PPARGC1A: variants seen among roughly 807,000 people sequenced by gnomAD.
PPARGC1A encodes PPARG coactivator 1 alpha.
A neutral mutation model predicts 88.7 loss-of-function variants in PPARGC1A; 25 were observed. The observed-to-expected ratio is 0.28, with a 90% CI of 0.21 to 0.39. The LOEUF is 0.39. PPARGC1A is among the 10% of genes least tolerant of loss of function. PPARGC1A has a pLI of 1.00. For synonymous variants in PPARGC1A, 363 were observed against 355.6 expected, an observed-to-expected ratio of 1.02 and a Z score of -0.24; for missense variants, 880 against 968.7, an observed-to-expected ratio of 0.91 and a Z score of 1.22.
chr4:24,252,976 T>C, the PPARGC1A span, among the ~76,000 whole-genome samples: 314 of 152,318 alleles, frequency 2.1e-3, 3 homozygotes, highest in African/African-American at 7.3e-3. Context: ...ACAGTGAATA[T>C]TCCTAACTTG....
chr4:23,814,114 C>G lies in PPARGC1A; in HGVS notation c.1369G>C (p.Glu457Gln). ...CSTRKQLQDQ[E>Q]IRAELNKHFG... ...TGCTTGTTCAGCTCGGCTCGGATTT[C>G]CTGGTCTTGGAGCTGTTTTCTTGTG... Residue 457 changes from glutamate to glutamine, a missense_variant, in exon 8 of 13, where the codon GAA becomes CAA. Physicochemically the swap from Glu to Gln is conservative, Grantham distance 29 (BLOSUM62 2). Coordinates refer to ENST00000264867, the MANE Select transcript of PPARGC1A (RefSeq NM_013261.5). The G allele has an allele frequency of 6.2e-7, 1 of 1,614,056 alleles. No homozygotes were observed. The highest frequency in any genetic ancestry group is 1.7e-4 in the Middle Eastern group (1 of 6,056).
the PPARGC1A span, among the ~76,000 whole-genome samples, chr4:23,946,951 A>G: frequency 2.0e-5 from 3 of 152,044 alleles, no homozygotes. Flanking sequence ...AACTGAACCC[A>G]CAGAGCCCAA....
the PPARGC1A span, among the ~76,000 whole-genome samples, chr4:24,085,079 C>G: frequency 2.0e-5 from 3 of 152,110 alleles, no homozygotes; most frequent in African/African-American, 4.8e-5. Context: ...AAATATGAAC[C>G]ACTATTTCAT....
the PPARGC1A span, among the ~76,000 whole-genome samples, chr4:24,423,902 C>T: frequency 6.6e-6 from 1 of 152,244 alleles, no homozygotes; most frequent in South Asian, 2.1e-4. Context: ...TACAAAATGG[C>T]GGCCATGATG....
At chr4:24,381,580 C>T in the PPARGC1A span, among the ~76,000 whole-genome samples, 1 of 152,208 alleles carries the variant, frequency 6.6e-6, no homozygotes, top group Non-Finnish European at 1.5e-5. Context: ...CTAGCTAAAA[C>T]TCATGTTCAC....
chr4:24,081,690 T>C, the PPARGC1A span, among the ~76,000 whole-genome samples: 1 of 152,146 alleles, frequency 6.6e-6, no homozygotes, highest in Non-Finnish European at 1.5e-5. Context: ...CACACTCTTT[T>C]ATAGGAAGGG....
At chr4:24,041,007 A>G in the PPARGC1A span, among the ~76,000 whole-genome samples, 1 of 152,334 alleles carries the variant, frequency 6.6e-6, no homozygotes, top group East Asian at 1.9e-4. Flanking sequence ...TCAAGTTATT[A>G]TAGGAGAACT....
chr4:24,278,839 C>T, the PPARGC1A span, among the ~76,000 whole-genome samples: 1 of 152,138 alleles, frequency 6.6e-6, no homozygotes, highest in African/African-American at 2.4e-5. Flanking sequence ...ACACAGTAGT[C>T]AAACCACACA....
At chr4:24,259,636 G>A in the PPARGC1A span, among the ~76,000 whole-genome samples, 1 of 152,136 alleles carries the variant, frequency 6.6e-6, no homozygotes, top group African/African-American at 2.4e-5. Context: ...CTAGCCTACA[G>A]GTTTGTAACC....
the PPARGC1A span, among the ~76,000 whole-genome samples, chr4:24,349,843 T>C: frequency 6.6e-6 from 1 of 152,238 alleles, no homozygotes; most frequent in East Asian, 1.9e-4. Context: ...TTCAAATTGT[T>C]ACAAAGTTCA....
At chr4:24,248,530 GCTC>G in the PPARGC1A span, among the ~76,000 whole-genome samples, 2 of 152,004 alleles carry the variant, frequency 1.3e-5, no homozygotes, top group Non-Finnish European at 2.9e-5. Flanking sequence ...TGCAAATTCA[GCTC>G]CTTTTAGTCT....
At chr4:24,371,263 G>A in the PPARGC1A span, among the ~76,000 whole-genome samples, 1 of 152,118 alleles carries the variant, frequency 6.6e-6, no homozygotes, top group Non-Finnish European at 1.5e-5. Flanking sequence ...TGTCTTTATA[G>A]TAGAATGATT....
chr4:24,377,037 G>A, the PPARGC1A span, among the ~76,000 whole-genome samples: 2 of 151,938 alleles, frequency 1.3e-5, no homozygotes, highest in African/African-American at 4.8e-5. Context: ...TCATGGACTG[G>A]AGAATTATTA....
intron 2 of PPARGC1A, among the ~76,000 whole-genome samples, chr4:23,872,229 A>T (rs1713535265): frequency 6.6e-6 from 1 of 152,068 alleles, no homozygotes. Flanking sequence ...AGGGCACAGC[A>T]CTCTGGTCAG....
At chr4:24,350,852 G>A in the PPARGC1A span, among the ~76,000 whole-genome samples, 1 of 152,152 alleles carries the variant, frequency 6.6e-6, no homozygotes, top group African/African-American at 2.4e-5. Context: ...CTCCATGGCT[G>A]GGCATCATGG....
the PPARGC1A span, among the ~76,000 whole-genome samples, chr4:23,912,566 T>C: frequency 1.3e-5 from 2 of 152,092 alleles, no homozygotes; most frequent in Non-Finnish European, 2.9e-5. Flanking sequence ...TGACCCTCCA[T>C]AATATGGGTG....
the PPARGC1A span, among the ~76,000 whole-genome samples, chr4:24,068,417 T>TA: frequency 6.6e-6 from 1 of 152,150 alleles, no homozygotes; most frequent in Non-Finnish European, 1.5e-5. Flanking sequence ...GAGCACCTAC[T>TA]ATACCCTAGG....
At chr4:23,853,049 T>A (rs1729582996) in intron 2 of PPARGC1A, among the ~76,000 whole-genome samples, 1 of 152,222 alleles carries the variant, frequency 6.6e-6, no homozygotes, top group Admixed American at 6.5e-5. Context: ...TTTCACAGGT[T>A]TTCCTTTTTA....
the PPARGC1A span, among the ~76,000 whole-genome samples, chr4:24,315,262 A>C: frequency 1.3e-5 from 2 of 152,164 alleles, no homozygotes; most frequent in African/African-American, 2.4e-5. Context: ...GTAGAAAAGA[A>C]TGTTAAGATG....
Sources: allele counts gnomAD v4.1 joint callset (sites outside exome capture counted in the v4.1 genomes callset), GRCh38; gene constraint gnomAD v4.1.1; transcripts MANE v1.5; gene names NCBI Gene and HGNC (gene_info 2026-07-23, HGNC 2026-07-21).